Variants in TNPO1 observed in about 807,000 individuals in gnomAD.
TNPO1 encodes transportin 1, also known as transportin-1.
TNPO1 carries 8 observed loss-of-function variants against 119.5 expected under a neutral mutation model. The ratio of observed to expected loss-of-function variants is 0.07; its 90% confidence interval spans 0.04 to 0.12. The LOEUF (loss-of-function observed/expected upper bound fraction) is 0.12, where lower values mean the gene tolerates loss of function less well. Among genes scored for constraint, TNPO1 ranks in the 10% least tolerant of loss-of-function variants. The pLI is 1.00. For missense variants in TNPO1, 576 were observed against 1,089.8 expected, an observed-to-expected ratio of 0.53 and a Z score of 6.64; for synonymous variants, 362 against 363.0, an observed-to-expected ratio of 1.00 and a Z score of 0.03.
At chr5:72,851,796 C>T (rs991893461) in intron 3 of TNPO1, among the ~76,000 whole-genome samples, 2 of 152,178 alleles carry the variant, frequency 1.3e-5, no homozygotes, top group Admixed American at 6.5e-5. Flanking sequence ...GCCCAGCCAG[C>T]ATTCATTTTT....
intron 12 of TNPO1, among the ~76,000 whole-genome samples, chr5:72,887,690 A>G (rs1748749681): frequency 1.3e-5 from 2 of 152,166 alleles, no homozygotes; most frequent in Admixed American, 1.3e-4. Flanking sequence ...ATCTCAATAA[A>G]AAATAAAAAC....
rs530066664 is a variant in TNPO1, at chr5:72,894,767, C to T, written c.2143+1064C>T. 1.4e-3 allele frequency among the ~76,000 whole-genome samples: 220 copies of T among 152,242 alleles called. 1 individual carries two copies. Among genetic ancestry groups the T allele is most frequent in the Admixed American group, 3.2e-3 (49 of 15,298 alleles). On this transcript the variant is annotated intron_variant, in intron 18 of 24. Coordinates refer to ENST00000337273, the MANE Select transcript of TNPO1 (RefSeq NM_002270.4). ...TAATTGTGCTTTTGGATAACCATTT[C>T]TCAAAAAACTAACATAATTAACATT...
Position 72,909,416 on chromosome 5 carries a change from C to T in TNPO1, c.*743C>T, listed in dbSNP as rs1461089735. The T allele has an allele frequency of 8.5e-5, 13 of 152,090 alleles. No individual in the cohort carries two copies. The highest frequency in any genetic ancestry group is 2.6e-4 in the Admixed American group (4 of 15,264). 9.4% of individuals were successfully genotyped at this position (152,090 alleles called of 1,614,324 possible). On this transcript the variant is annotated 3_prime_UTR_variant, in exon 25 of 25. Transcript: ENST00000337273. ...GAGGAATAAATGGGGTTGGGCATATCAAACTAAAGATGACATCTTAATTTT... is the reference window on the plus strand; with the variant it reads ...GAGGAATAAATGGGGTTGGGCATATTAAACTAAAGATGACATCTTAATTTT...
chr5:72,826,754 T>C (rs1418010240), intron 1 of TNPO1, among the ~76,000 whole-genome samples: 3 of 152,240 alleles, frequency 2.0e-5, no homozygotes, highest in South Asian at 2.1e-4. Context: ...TTTTTGTTTC[T>C]ACAGATACCT....
chr5:72,877,433 T>C, intron 9 of TNPO1, 87 bp downstream of exon 9: 1 of 710,574 alleles, frequency 1.4e-6, no homozygotes, highest in African/African-American at 1.8e-5. Context: ...ATTCATTCTT[T>C]TGCCATCAGG....
chr5:72,883,300 A>G (rs1465740639), intron 11 of TNPO1, 68 bp downstream of exon 11: 7 of 756,388 alleles, frequency 9.3e-6, no homozygotes, highest in Admixed American at 4.1e-5. Context: ...TAATTCATCT[A>G]CTGTACAGTT....
chr5:72,853,492 A>G (rs1384090590), intron 3 of TNPO1, among the ~76,000 whole-genome samples: 2 of 152,176 alleles, frequency 1.3e-5, no homozygotes, highest in Admixed American at 6.5e-5. Context: ...TTTGGAAGTC[A>G]TTGCTTCCAC....
chr5:72,872,241 A>G (rs1168635442), intron 6 of TNPO1, among the ~76,000 whole-genome samples: 2 of 152,180 alleles, frequency 1.3e-5, no homozygotes, highest in Non-Finnish European at 2.9e-5. Context: ...CTGCTGAGCA[A>G]TTGAATTGCA....
intron 1 of TNPO1, among the ~76,000 whole-genome samples, chr5:72,839,981 C>A (rs939139702): frequency 2.0e-5 from 3 of 151,904 alleles, no homozygotes; most frequent in Admixed American, 6.6e-5. Context: ...CTTTTGTTTT[C>A]ATTAAAAATG....
intron 4 of TNPO1, among the ~76,000 whole-genome samples, chr5:72,859,076 T>C (rs1228980132): frequency 6.6e-6 from 1 of 152,008 alleles, no homozygotes; most frequent in Non-Finnish European, 1.5e-5. Context: ...GAAAATCATC[T>C]CTAAGAATTG....
At chr5:72,886,405 ATTGTAACAG>A (rs1425445772) in intron 11 of TNPO1, among the ~76,000 whole-genome samples, 5 of 152,108 alleles carry the variant, frequency 3.3e-5, no homozygotes, top group Admixed American at 6.5e-5. Flanking sequence ...TTTTTGCGTG[ATTGTAACAG>A]TGATTGTAAT....
At chr5:72,845,752 A>G (rs1449988062) in intron 1 of TNPO1, among the ~76,000 whole-genome samples, 1 of 152,202 alleles carries the variant, frequency 6.6e-6, no homozygotes, top group Non-Finnish European at 1.5e-5. Flanking sequence ...CGACAGAAAT[A>G]AAGAAGGAAG....
intron 9 of TNPO1, chr5:72,878,802 C>A (rs988072520): frequency 5.9e-6 from 2 of 340,190 alleles, no homozygotes; most frequent in Non-Finnish European, 5.7e-6. Context: ...TTTATAAAAA[C>A]TGCAGAGATT....
intron 9 of TNPO1, among the ~76,000 whole-genome samples, chr5:72,881,708 G>A (rs1217825521): frequency 6.6e-6 from 1 of 152,170 alleles, no homozygotes; most frequent in Non-Finnish European, 1.5e-5. Context: ...CGTAAAGAAA[G>A]CAGGTGACCC....
rs1745949305 is a variant in TNPO1 at position 72,855,760 on chromosome 5, C to T, written c.206-14C>T. The T allele has an allele frequency of 1.9e-6, 3 of 1,578,924 alleles. No individual in the cohort carries two copies. Among genetic ancestry groups the T allele is most frequent in the Non-Finnish European group, 2.6e-6 (3 of 1,162,454 alleles). On this transcript the variant is annotated splice_polypyrimidine_tract_variant and intron_variant, in intron 3 of 24. Coordinates refer to ENST00000337273, the MANE Select transcript of TNPO1 (RefSeq NM_002270.4). ...ACTACTTCAAAACTCATTACTATTA[C>T]TATTTTATTACAGATGAACCCACAA...
At chr5:72,862,845 A>G (rs1746563902) in intron 5 of TNPO1, among the ~76,000 whole-genome samples, 1 of 151,974 alleles carries the variant, frequency 6.6e-6, no homozygotes, top group African/African-American at 2.4e-5. Flanking sequence ...ACAGAGTTTC[A>G]CCATGTTGGA....
intron 24 of TNPO1, 174 bp downstream of exon 24, chr5:72,905,619 G>A (rs1458219511): frequency 5.8e-6 from 2 of 345,052 alleles, no homozygotes; most frequent in Non-Finnish European, 1.0e-5. Flanking sequence ...AGTGGGCCAG[G>A]TGTGGTGGCT....
At chr5:72,840,686 AC>A (rs1436675314) in intron 1 of TNPO1, among the ~76,000 whole-genome samples, 1 of 152,184 alleles carries the variant, frequency 6.6e-6, no homozygotes, top group African/African-American at 2.4e-5. Flanking sequence ...TCAATTTGAT[AC>A]CACACTCTTT....
At chr5:72,863,486 G>C (rs1455392482) in intron 5 of TNPO1, among the ~76,000 whole-genome samples, 1 of 152,080 alleles carries the variant, frequency 6.6e-6, no homozygotes, top group Non-Finnish European at 1.5e-5. Context: ...TCAGGAGGCT[G>C]TGGTGGCTCA....
Sources: gnomAD v4.1 joint callset for allele counts (sites outside exome capture counted in the v4.1 genomes callset) on GRCh38, gnomAD v4.1.1 for gene constraint, MANE v1.5 for transcripts, NCBI Gene and HGNC (gene_info 2026-07-23, HGNC 2026-07-21) for gene names.